Variants in EAF1 observed in about 807,000 individuals in gnomAD.
EAF1 encodes the protein ELL-associated factor 1.
In EAF1, 19 loss-of-function variants were observed where a neutral mutation model predicts 26.6. The observed-to-expected ratio is 0.71, with a 90% CI of 0.50 to 1.05. The LOEUF (loss-of-function observed/expected upper bound fraction) is 1.05. Ranked by LOEUF, EAF1 falls within the 50% of genes least tolerant of loss-of-function variation. The pLI, the probability that EAF1 is intolerant of heterozygous loss-of-function variation, is 0.00. For missense variants in EAF1, 260 were observed against 335.5 expected, an observed-to-expected ratio of 0.78 and a Z score of 1.76; for synonymous variants, 102 against 120.6, an observed-to-expected ratio of 0.85 and a Z score of 1.01.
At chr3:15,429,882 T>C (rs902225277) in intron 1 of EAF1, 31 bp from the exon 2 acceptor site, 1 of 1,447,946 alleles carries the variant, frequency 6.9e-7, no homozygotes, top group African/African-American at 1.4e-5. Context: ...AGTAACCTGG[T>C]GGGTAAGTGC....
Position 15,427,875 on chromosome 3 carries a change from T to TA in EAF1, c.97dup (p.Ile33AsnfsTer4). 6.5e-7 allele frequency: 1 copy of TA among 1,546,398 alleles called. No individual in the cohort carries two copies. The highest frequency in any genetic ancestry group is 8.7e-7 in the Non-Finnish European group (1 of 1,143,960). On this transcript the variant is annotated frameshift_variant, in exon 1 of 6. Coordinates refer to ENST00000396842, the MANE Select transcript of EAF1 (RefSeq NM_033083.7). LOFTEE classifies it high-confidence loss of function. ...AGCGGCCGCGGGCCTCCTTCCACAC[T>TA]ATTCGTTGTAAGTCAGCGCTCCCCA...
intron 4 of EAF1, among the ~76,000 whole-genome samples, chr3:15,434,889 G>A (rs542532204): frequency 6.6e-6 from 1 of 152,290 alleles, no homozygotes; most frequent in East Asian, 1.9e-4. Flanking sequence ...TGAAAACTAA[G>A]CGTAGGTGGC....
chr3:15,436,470 G>A lies in EAF1; in HGVS notation c.655G>A (p.Ala219Thr). 2 of 1,612,984 alleles carry A rather than the reference G, an allele frequency of 1.2e-6. No homozygotes were observed. Residue 219 changes from alanine to threonine, a missense_variant, in exon 5 of 6, where the codon GCC (alanine) becomes ACC (threonine). Physicochemically the swap from Ala to Thr is moderately conservative, Grantham distance 58. Coordinates refer to ENST00000396842, the MANE Select transcript of EAF1 (RefSeq NM_033083.7). Reference sequence around the variant, plus strand: ...CAGTGGAGGCGAGGACAATGGCCCAGCCTCTCCTCCGCAGCCTTCACACCA... The same window carrying A: ...CAGTGGAGGCGAGGACAATGGCCCAACCTCTCCTCCGCAGCCTTCACACCA... Reference protein sequence around the residue: ...SSSGGEDNGPASPPQPSHQQP... With the variant: ...SSSGGEDNGPTSPPQPSHQQP...
rs563430147 is a variant in EAF1 at position 15,436,847 on chromosome 3, T to C, written c.760+272T>C. 3.7e-4 allele frequency among the ~76,000 whole-genome samples: 56 copies of C among 152,332 alleles called. 1 individual carries two copies. The highest frequency in any genetic ancestry group is 5.6e-4 in the Non-Finnish European group (38 of 68,018). ...ACATGAACAGATAGGCTGTTTTTGC[T>C]TTTATACCAGACTTTCGGGGAGCTA... On this transcript the variant is annotated intron_variant, in intron 5 of 5. Transcript: ENST00000396842.
intron 3 of EAF1, chr3:15,433,087 T>C (rs2061811748): frequency 6.6e-6 from 1 of 152,258 alleles, no homozygotes; most frequent in Non-Finnish European, 1.5e-5. Context: ...AAGGTGTTAT[T>C]ATTATTTTTT....
intron 1 of EAF1, 21 bp downstream of exon 1, chr3:15,427,903 G>T: frequency 3.3e-6 from 5 of 1,518,538 alleles, no homozygotes; most frequent in Middle Eastern, 1.7e-4. Context: ...GCTCCCCACG[G>T]TTCCCTTCGG....
Position 15,428,055 on chromosome 3 carries a change from C to T in EAF1, c.103+173C>T, listed in dbSNP as rs548859086. On this transcript the variant is annotated intron_variant, in intron 1 of 5. Transcript: ENST00000396842. ...GACATCGATTTGTCCCTTCTTTTAC[C>T]CAGATTATTTCTCCCAAATCTTCGT... Among the ~76,000 whole-genome samples the T allele has an allele frequency of 6.3e-4, 96 of 152,180 alleles. 1 individual carries two copies. The highest frequency in any genetic ancestry group is 2.7e-3 in the Admixed American group (42 of 15,294).
chr3:15,439,304 C>G lies in EAF1; in HGVS notation c.*149C>G. 2 of 636,682 alleles carry G rather than the reference C, an allele frequency of 3.1e-6. No homozygotes were observed. Among genetic ancestry groups the G allele is most frequent in the Non-Finnish European group, 5.2e-6 (2 of 385,716 alleles). 39.4% of individuals were successfully genotyped at this position (636,682 alleles called of 1,614,324 possible). A position where few individuals can be genotyped will look rare whatever the true frequency, so the allele number is the denominator to read the frequency against. On this transcript the variant is annotated 3_prime_UTR_variant, in exon 6 of 6. Coordinates refer to ENST00000396842, the MANE Select transcript of EAF1 (RefSeq NM_033083.7). Reference sequence around the variant, plus strand: ...CTCTGGAACTCTCACATATTCAAGTCTTTAACTTAGTGGTGATGGGTGATT... The same window carrying G: ...CTCTGGAACTCTCACATATTCAAGTGTTTAACTTAGTGGTGATGGGTGATT...
In EAF1 at chr3:15,436,575, A is replaced by G. The variant is rs964403754; in HGVS notation, c.760A>G (p.Arg254Gly). Reference protein sequence around the residue: ...QGSNQLMNTLRNDLQLSESGS... With the variant: ...QGSNQLMNTLGNDLQLSESGS... ...AAGCAACCAGCTCATGAACACCCTC[A>G]GTAAGTGTGTACTCCTTTTTATGGC... Residue 254 changes from arginine (R) to glycine (G), a missense_variant and splice_region_variant, in exon 5 of 6, where the codon AGA (arginine) becomes GGA (glycine). Coordinates refer to ENST00000396842, the MANE Select transcript of EAF1 (RefSeq NM_033083.7). 6.3e-7 allele frequency: 1 copy of G among 1,579,692 alleles called. No homozygotes were observed. Among genetic ancestry groups the G allele is most frequent in the Non-Finnish European group, 8.7e-7 (1 of 1,152,702 alleles).
chr3:15,435,461 C>T (rs1302934601), intron 4 of EAF1, among the ~76,000 whole-genome samples: 1 of 151,580 alleles, frequency 6.6e-6, no homozygotes, highest in African/African-American at 2.4e-5. Context: ...GCACTGTGTA[C>T]AGTTGTTTTG....
rs2061870502 is a variant in EAF1, at chr3:15,441,538, C to T, written c.*2383C>T. 1 of 130,552 alleles carries T rather than the reference C, an allele frequency of 7.7e-6. No individual in the cohort carries two copies. The allele number at this position is 130,552 out of a possible 1,614,324, so 8.1% of individuals were successfully genotyped here. ...CTTGAACTCTGGTCGGTATGAGCTC[C>T]TTAAAAGCAGGTACTGGGCTGGCTG... is the stretch of plus-strand genomic sequence containing the variant. On this transcript the variant is annotated 3_prime_UTR_variant, in exon 6 of 6. Coordinates refer to ENST00000396842, the MANE Select transcript of EAF1 (RefSeq NM_033083.7).
In EAF1 at chr3:15,441,647, G is replaced by A. The variant is rs952049996; in HGVS notation, c.*2492G>A. 7.2e-5 allele frequency: 11 copies of A among 152,556 alleles called. No individual in the cohort carries two copies. The highest frequency in any genetic ancestry group is 1.3e-4 in the Non-Finnish European group (9 of 68,120). The allele number at this position is 152,556 out of a possible 1,614,324, so 9.5% of individuals were successfully genotyped here. On this transcript the variant is annotated 3_prime_UTR_variant, in exon 6 of 6. Transcript: ENST00000396842. ...AGTCCAGGAGTTTGAGACCAGCCTG[G>A]GCAACATGGCGAGACCCTGTTTCTA...
In EAF1 at chr3:15,434,309, T is replaced by G. The variant is rs750572019; in HGVS notation, c.336-39T>G. ...ACCTGGACAAATTTGAGAACCACTATTTTTGCCCTGCTAATTTAATGTCTG... is the reference window on the plus strand; with the variant it reads ...ACCTGGACAAATTTGAGAACCACTAGTTTTGCCCTGCTAATTTAATGTCTG... On this transcript the variant is annotated intron_variant, in intron 3 of 5. Coordinates refer to ENST00000396842, the MANE Select transcript of EAF1 (RefSeq NM_033083.7). The G allele has an allele frequency of 3.1e-6, 5 of 1,602,460 alleles. No individual in the cohort carries two copies. The Admixed American group carries it at 6.7e-5, about 22-fold the overall frequency.
Position 15,439,400 on chromosome 3 carries a change from A to G in EAF1, c.*245A>G, listed in dbSNP as rs917073999. On this transcript the variant is annotated 3_prime_UTR_variant, in exon 6 of 6. Transcript: ENST00000396842. ...GACCTGTAGAAGAGCTAACAGAATT[A>G]TATTTCTATTTAGTTAAAATTGTTA... 4 of 393,468 alleles carry G rather than the reference A, an allele frequency of 1.0e-5. No homozygotes were observed. The highest frequency in any genetic ancestry group is 1.8e-5 in the Non-Finnish European group (4 of 221,482). 24.4% of individuals were successfully genotyped at this position (393,468 alleles called of 1,614,324 possible).
intron 5 of EAF1, among the ~76,000 whole-genome samples, chr3:15,437,276 A>G (rs2061841678): frequency 1.5e-5 from 2 of 129,342 alleles, no homozygotes; most frequent in African/African-American, 3.0e-5. Context: ...CTTCAGACAG[A>G]GTCTTGATCT....
In EAF1 at chr3:15,427,673, C is replaced by A; in HGVS notation, c.-107C>A. On this transcript the variant is annotated 5_prime_UTR_variant, in exon 1 of 6. Transcript: ENST00000396842. ...TGCCGGCTCGGCTCTCCTTGTCTTC[C>A]AGAGCGGTGGCCCGGAAGCACAGTC... 1 of 1,215,888 alleles carries A rather than the reference C, an allele frequency of 8.2e-7. No homozygotes were observed. Among genetic ancestry groups the A allele is most frequent in the Non-Finnish European group, 1.2e-6 (1 of 851,986 alleles). 75.3% of individuals were successfully genotyped at this position (1,215,888 alleles called of 1,614,324 possible).
At chr3:15,438,566 C>T (rs2061848941) in intron 5 of EAF1, 1 of 151,156 alleles carries the variant, frequency 6.6e-6, no homozygotes, top group African/African-American at 2.4e-5. Flanking sequence ...ACTCTATCGC[C>T]CAGGCTGGAG....
intron 3 of EAF1, 79 bp downstream of exon 3, chr3:15,432,302 C>CATCTGCTT: frequency 1.3e-6 from 2 of 1,541,662 alleles, no homozygotes; most frequent in South Asian, 2.5e-5. Flanking sequence ...AGGTTGTGAA[C>CATCTGCTT]ATCTGCTTGC....
intron 2 of EAF1, among the ~76,000 whole-genome samples, chr3:15,430,459 C>CA (rs11300135): frequency 0.18 from 23,147 of 129,806 alleles, 3,835 homozygotes; most frequent in African/African-American, 0.44. Flanking sequence ...GACTCCCCCT[C>CA]AAAAAAAAAA....
Sources: gnomAD v4.1 joint callset for allele counts (sites outside exome capture counted in the v4.1 genomes callset) on GRCh38, gnomAD v4.1.1 for gene constraint, MANE v1.5 for transcripts, NCBI Gene and HGNC (gene_info 2026-07-23, HGNC 2026-07-21) for gene names.